STOX2: variants seen among roughly 807,000 people sequenced by gnomAD.
STOX2 encodes storkhead box 2.
A neutral mutation model predicts 60.9 loss-of-function variants in STOX2; 28 were observed. The ratio of observed to expected loss-of-function variants is 0.46; its 90% CI spans 0.34 to 0.63. The LOEUF (loss-of-function observed/expected upper bound fraction) is 0.63. STOX2 is among the 30% of genes least tolerant of loss of function. The probability of loss-of-function intolerance (pLI) is 0.01; values close to 1 mark genes in which losing one functional copy is unlikely to be tolerated. For missense variants in STOX2, 1,024 were observed against 1,187.7 expected (o/e 0.86, Z 2.03); for synonymous variants, 472 against 463.9 (o/e 1.02, Z -0.22).
At chr4:183,922,193 G>T (rs546598766) in intron 1 of STOX2, among the ~76,000 whole-genome samples, 1 of 151,980 alleles carries the variant, frequency 6.6e-6, no homozygotes, top group African/African-American at 2.4e-5. Context: ...CCTCAAATTC[G>T]CTGTTCCCTG....
intron 1 of STOX2, among the ~76,000 whole-genome samples, chr4:183,930,075 G>A (rs1162267500): frequency 6.6e-6 from 1 of 152,026 alleles, no homozygotes; most frequent in African/African-American, 2.4e-5. Context: ...GTATTAGCCA[G>A]GATGGGTCTC....
chr4:183,972,611 C>G (rs944675390), intron 1 of STOX2, among the ~76,000 whole-genome samples: 2 of 152,182 alleles, frequency 1.3e-5, no homozygotes, highest in African/African-American at 4.8e-5. Context: ...AAGTGACATT[C>G]AGCTGACAGG....
chr4:183,802,776 C>T (rs544984626), intron 1 of STOX2, among the ~76,000 whole-genome samples: 2 of 152,256 alleles, frequency 1.3e-5, no homozygotes, highest in South Asian at 2.1e-4. Flanking sequence ...CGCCTGCCAA[C>T]ACACCTGGCT....
At chr4:183,917,176 G>C (rs1741955911) in intron 1 of STOX2, among the ~76,000 whole-genome samples, 2 of 152,358 alleles carry the variant, frequency 1.3e-5, no homozygotes, top group South Asian at 4.1e-4. Context: ...AGTGGCTTCA[G>C]TGGACTCTGT....
intron 1 of STOX2, among the ~76,000 whole-genome samples, chr4:183,831,164 G>A (rs941677883): frequency 6.6e-6 from 1 of 152,084 alleles, no homozygotes; most frequent in Non-Finnish European, 1.5e-5. Flanking sequence ...ATTTCAGTGA[G>A]AGTTGTTTAT....
intron 1 of STOX2, among the ~76,000 whole-genome samples, chr4:183,822,206 A>G (rs528455711): frequency 4.0e-4 from 61 of 152,316 alleles, no homozygotes; most frequent in Non-Finnish European, 5.0e-4. Context: ...CTGGAGAGTG[A>G]GCTTTTAAAA....
chr4:183,979,992 T>C (rs1401784136), intron 1 of STOX2, among the ~76,000 whole-genome samples: 1 of 152,238 alleles, frequency 6.6e-6, no homozygotes, highest in Non-Finnish European at 1.5e-5. Context: ...GATTAACTTA[T>C]AATTAAATAG....
chr4:183,847,038 A>T (rs1740005672), intron 1 of STOX2, among the ~76,000 whole-genome samples: 1 of 152,368 alleles, frequency 6.6e-6, no homozygotes, highest in South Asian at 2.1e-4. Context: ...GCAATTTGAC[A>T]AAGATTCCCT....
At chr4:184,008,310 G>A (rs987721779) in intron 2 of STOX2, among the ~76,000 whole-genome samples, 1 of 152,196 alleles carries the variant, frequency 6.6e-6, no homozygotes, top group African/African-American at 2.4e-5. Flanking sequence ...GGTAGACGAG[G>A]CATAAACATG....
chr4:183,883,921 ATC>A (rs1741016237), intron 1 of STOX2, among the ~76,000 whole-genome samples: 1 of 150,214 alleles, frequency 6.7e-6, no homozygotes, highest in Non-Finnish European at 1.5e-5. Flanking sequence ...GTGCGATCTC[ATC>A]TCACTGCAAC....
At chr4:183,925,111 G>A (rs776547422) in intron 1 of STOX2, among the ~76,000 whole-genome samples, 9 of 152,260 alleles carry the variant, frequency 5.9e-5, no homozygotes, top group South Asian at 2.1e-4. Flanking sequence ...TTTTCTCCCC[G>A]TGTTTTAATC....
intron 1 of STOX2, among the ~76,000 whole-genome samples, chr4:183,974,187 T>C (rs543113620): frequency 3.3e-5 from 5 of 152,190 alleles, no homozygotes; most frequent in Admixed American, 1.3e-4. Flanking sequence ...AGTATATATA[T>C]TTGAAATGTG....
intron 1 of STOX2, among the ~76,000 whole-genome samples, chr4:183,809,100 CAGAG>C (rs1366978008): frequency 6.6e-6 from 1 of 152,000 alleles, no homozygotes; most frequent in Non-Finnish European, 1.5e-5. Flanking sequence ...ATTTTTGAGA[CAGAG>C]GGAGTCTTGC....
At chr4:183,979,039 T>C (rs1732548909) in intron 1 of STOX2, among the ~76,000 whole-genome samples, 1 of 152,182 alleles carries the variant, frequency 6.6e-6, no homozygotes, top group Non-Finnish European at 1.5e-5. Flanking sequence ...CACATTGCTA[T>C]AAAGAAATAC....
intron 1 of STOX2, among the ~76,000 whole-genome samples, chr4:183,847,265 C>G (rs1740010199): frequency 6.6e-6 from 1 of 152,156 alleles, no homozygotes; most frequent in Non-Finnish European, 1.5e-5. Context: ...ATATGGGCTT[C>G]TAGAATCCCA....
intron 1 of STOX2, among the ~76,000 whole-genome samples, chr4:183,810,144 C>T (rs1739002133): frequency 6.6e-6 from 1 of 152,102 alleles, no homozygotes; most frequent in Non-Finnish European, 1.5e-5. Context: ...GATTCTCTAC[C>T]CTTGACCCTA....
intron 1 of STOX2, among the ~76,000 whole-genome samples, chr4:183,888,492 C>T (rs1664538567): frequency 1.3e-5 from 2 of 152,136 alleles, no homozygotes; most frequent in Admixed American, 6.5e-5. Flanking sequence ...CACTTGGGTC[C>T]CAGGTACCAT....
At chr4:183,892,588 C>T (rs76534398) in intron 1 of STOX2, among the ~76,000 whole-genome samples, 9 of 152,316 alleles carry the variant, frequency 5.9e-5, no homozygotes, top group African/African-American at 2.2e-4. Flanking sequence ...CCCATTCACA[C>T]TCTTCTTGCA....
chr4:183,811,883 A>C (rs1286675564), intron 1 of STOX2, among the ~76,000 whole-genome samples: 1 of 151,514 alleles, frequency 6.6e-6, no homozygotes, highest in Non-Finnish European at 1.5e-5. Flanking sequence ...TTTATTCTTA[A>C]GTGTGAGCCC....
Sources: gnomAD v4.1 joint callset for allele counts (sites outside exome capture counted in the v4.1 genomes callset) on GRCh38, gnomAD v4.1.1 for gene constraint, MANE v1.5 for transcripts, NCBI Gene and HGNC (gene_info 2026-07-23, HGNC 2026-07-21) for gene names.